The following CDH20 variants were observed in gnomAD, a reference collection of about 807,000 sequenced individuals.
CDH20 encodes cadherin-20.
CDH20 carries 29 observed loss-of-function variants against 74.2 expected under a neutral mutation model. That is an observed-to-expected ratio of 0.39 (90% CI 0.29 to 0.53). The LOEUF (loss-of-function observed/expected upper bound fraction) is 0.53, where lower values mean the gene tolerates loss of function less well. Ranked by LOEUF, CDH20 falls within the 20% of genes least tolerant of loss-of-function variation. The pLI, the probability that CDH20 is intolerant of heterozygous loss-of-function variation, is 0.69. For missense variants in CDH20, 988 were observed against 1,048.3 expected, an observed-to-expected ratio of 0.94 and a Z score of 0.79; for synonymous variants, 469 against 405.4, an observed-to-expected ratio of 1.16 and a Z score of -1.88.
At chr18:61,528,392 TG>T (rs1454286074) in intron 7 of CDH20, among the ~76,000 whole-genome samples, 172 bp downstream of exon 7, 1 of 151,254 alleles carries the variant, frequency 6.6e-6, no homozygotes, top group Non-Finnish European at 1.5e-5. Flanking sequence ...AACATGGCCT[TG>T]CCAGGTTGTT....
At chr18:61,546,213 AC>A (rs1452881266) in intron 10 of CDH20, among the ~76,000 whole-genome samples, 3 of 152,360 alleles carry the variant, frequency 2.0e-5, no homozygotes, top group Non-Finnish European at 4.4e-5. Flanking sequence ...GCAAAGGGTA[AC>A]AAAAAGTCAT....
intron 1 of CDH20, among the ~76,000 whole-genome samples, chr18:61,436,454 G>T (rs1277243073): frequency 1.3e-5 from 2 of 152,136 alleles, no homozygotes; most frequent in Non-Finnish European, 2.9e-5. Context: ...TATCCTAGTG[G>T]ATGTAAAGTG....
intron 1 of CDH20, among the ~76,000 whole-genome samples, chr18:61,420,357 C>CT (rs60607711): frequency 0.042 from 5,702 of 135,152 alleles, 142 homozygotes; most frequent in South Asian, 0.081. Flanking sequence ...TCTTCACAGG[C>CT]TTTTTTTTTT....
chr18:61,546,924 C>A (rs1339464378), intron 10 of CDH20, among the ~76,000 whole-genome samples: 2 of 152,224 alleles, frequency 1.3e-5, no homozygotes, highest in African/African-American at 2.4e-5. Context: ...GGCACAGTGG[C>A]TCATGCCTGT....
At chr18:61,496,050 TCCC>T in intron 2 of CDH20, among the ~76,000 whole-genome samples, 1 of 23,284 alleles carries the variant, frequency 4.3e-5, no homozygotes. Flanking sequence ...TCCCTTCCTC[TCCC>T]CCCTCTCTCC....
intron 6 of CDH20, among the ~76,000 whole-genome samples, chr18:61,522,011 G>A (rs142527352): frequency 3.9e-5 from 6 of 152,256 alleles, no homozygotes; most frequent in African/African-American, 9.6e-5. Context: ...ACTGGCCCAC[G>A]ACAAGGATGC....
chr18:61,337,930 T>G (rs542574878), intron 1 of CDH20, among the ~76,000 whole-genome samples: 156 of 152,314 alleles, frequency 1.0e-3, no homozygotes, highest in Admixed American at 3.0e-3. Context: ...AGTATAATTG[T>G]TCTGGGAATA....
chr18:61,478,850 A>G (rs1910486809), intron 1 of CDH20, among the ~76,000 whole-genome samples: 1 of 152,146 alleles, frequency 6.6e-6, no homozygotes, highest in Admixed American at 6.5e-5. Flanking sequence ...AGAATTTCTA[A>G]TGTCTAGAAG....
At chr18:61,354,041 C>A (rs75484246) in intron 1 of CDH20, among the ~76,000 whole-genome samples, 3 of 139,028 alleles carry the variant, frequency 2.2e-5, no homozygotes, top group Non-Finnish European at 3.1e-5. Flanking sequence ...GAGACCCTGT[C>A]AAAAAAAAAA....
intron 1 of CDH20, among the ~76,000 whole-genome samples, chr18:61,340,853 TAGA>T (rs771509374): frequency 3.3e-5 from 5 of 152,262 alleles, no homozygotes; most frequent in Non-Finnish European, 7.3e-5. Context: ...AAATTTCATT[TAGA>T]AGTAATCTTA....
intron 1 of CDH20, among the ~76,000 whole-genome samples, chr18:61,437,169 T>C (rs1211896549): frequency 1.3e-5 from 2 of 152,184 alleles, no homozygotes; most frequent in Non-Finnish European, 2.9e-5. Context: ...AGGGCAAACA[T>C]TCCATTGCCA....
At chr18:61,483,381 T>C (rs1443138574) in intron 1 of CDH20, among the ~76,000 whole-genome samples, 1 of 152,202 alleles carries the variant, frequency 6.6e-6, no homozygotes, top group Admixed American at 6.5e-5. Flanking sequence ...TGAAAGGTGA[T>C]AGGAGTTGAC....
At chr18:61,516,991 A>G (rs1181250003) in intron 6 of CDH20, among the ~76,000 whole-genome samples, 1 of 152,216 alleles carries the variant, frequency 6.6e-6, no homozygotes, top group Non-Finnish European at 1.5e-5. Context: ...AAAGAATTTC[A>G]GTAATAATTA....
At chr18:61,384,687 AC>A (rs1264585130) in intron 1 of CDH20, among the ~76,000 whole-genome samples, 1 of 152,164 alleles carries the variant, frequency 6.6e-6, no homozygotes, top group Non-Finnish European at 1.5e-5. Flanking sequence ...CCAAATAATA[AC>A]CAATTTTTTT....
intron 1 of CDH20, among the ~76,000 whole-genome samples, chr18:61,398,192 C>T (rs1285088599): frequency 1.3e-5 from 2 of 152,222 alleles, no homozygotes; most frequent in Non-Finnish European, 2.9e-5. Flanking sequence ...GAACGGGTCA[C>T]TATTTGTCTG....
chr18:61,405,632 T>G (rs1408554717), intron 1 of CDH20, among the ~76,000 whole-genome samples: 1 of 152,066 alleles, frequency 6.6e-6, no homozygotes, highest in Non-Finnish European at 1.5e-5. Context: ...TATAAACAAA[T>G]TCCATCAGGT....
At chr18:61,341,648 C>G (rs1909954454) in intron 1 of CDH20, among the ~76,000 whole-genome samples, 2 of 152,140 alleles carry the variant, frequency 1.3e-5, no homozygotes. Flanking sequence ...AAGCAAGCAC[C>G]ACACTTGAGA....
chr18:61,339,554 A>G (rs1909870259), intron 1 of CDH20, among the ~76,000 whole-genome samples: 1 of 152,086 alleles, frequency 6.6e-6, no homozygotes, highest in Non-Finnish European at 1.5e-5. Context: ...TTCATGTATT[A>G]AGTGCTGAGT....
In CDH20 at chr18:61,397,360, G is replaced by T. The variant is rs142407092; in HGVS notation, c.-153+63533G>T. On this transcript the variant is annotated intron_variant, in intron 1 of 11. Transcript: ENST00000262717. ...TTTTTCCTGGAGTCCTCCTGGCCTG[G>T]CCTACCCACTCCTGAAGCAACAAAG... is the stretch of plus-strand genomic sequence containing the variant. Among the ~76,000 whole-genome samples, 242 of 152,070 alleles carry T rather than the reference G, an allele frequency of 1.6e-3. 3 individuals carry two copies. In the South Asian group the frequency reaches 0.022, roughly 14 times the overall value.
Sources: gnomAD v4.1 joint callset for allele counts (sites outside exome capture counted in the v4.1 genomes callset) on GRCh38, gnomAD v4.1.1 for gene constraint, MANE v1.5 for transcripts, NCBI Gene and HGNC (gene_info 2026-07-23, HGNC 2026-07-21) for gene names.